IGF2BP1: variants seen among roughly 807,000 people sequenced by gnomAD.
IGF2BP1 encodes the protein insulin-like growth factor 2 mRNA-binding protein 1.
A neutral mutation model predicts 74.9 loss-of-function variants in IGF2BP1; 11 were observed. The ratio of observed to expected loss-of-function variants is 0.15; its 90% CI spans 0.09 to 0.24. The LOEUF is 0.24. Among genes scored for constraint, IGF2BP1 ranks in the 10% least tolerant of loss-of-function variants. The pLI is 1.00. For synonymous variants in IGF2BP1, 287 were observed against 281.8 expected (o/e 1.02, Z -0.18); for missense variants, 440 against 757.4 (o/e 0.58, Z 4.92).
chr17:49,032,068 G>C, intron 5 of IGF2BP1, 95 bp downstream of exon 5: 1 of 1,071,216 alleles, frequency 9.3e-7, no homozygotes, highest in South Asian at 1.3e-5. Context: ...GGGGGGTCTA[G>C]GCAGGCTGGG....
At chr17:49,014,859 T>C (rs2041674427) in intron 2 of IGF2BP1, 1 of 985,234 alleles carries the variant, frequency 1.0e-6, no homozygotes, top group Non-Finnish European at 1.2e-6. Context: ...GAAGACAGAT[T>C]GCTTTGGAGG....
intron 2 of IGF2BP1, among the ~76,000 whole-genome samples, chr17:49,018,356 C>T (rs2041735092): frequency 6.6e-6 from 1 of 152,178 alleles, no homozygotes; most frequent in African/African-American, 2.4e-5. Context: ...GTTTGTTGCT[C>T]ACTCTTTTCC....
intron 2 of IGF2BP1, among the ~76,000 whole-genome samples, chr17:49,009,398 TTGG>T (rs1440265515): frequency 1.3e-5 from 2 of 152,098 alleles, no homozygotes; most frequent in Non-Finnish European, 2.9e-5. Flanking sequence ...CTCTTTATCC[TTGG>T]TATTTTTTTT....
At chr17:49,019,821 G>A (rs1271701765) in intron 2 of IGF2BP1, among the ~76,000 whole-genome samples, 2 of 133,478 alleles carry the variant, frequency 1.5e-5, no homozygotes, top group Admixed American at 7.7e-5. Flanking sequence ...TCGGCTCACT[G>A]CAACCTCTGC....
At chr17:49,010,509 G>A (rs1391797877) in intron 2 of IGF2BP1, among the ~76,000 whole-genome samples, 1 of 151,636 alleles carries the variant, frequency 6.6e-6, no homozygotes, top group African/African-American at 2.4e-5. Context: ...GTAGAGACGG[G>A]GTTTCACTGT....
intron 2 of IGF2BP1, among the ~76,000 whole-genome samples, chr17:49,013,315 C>T (rs1337442921): frequency 6.6e-6 from 1 of 152,128 alleles, no homozygotes; most frequent in African/African-American, 2.4e-5. Flanking sequence ...GGGACTAGCC[C>T]GGGAGGAGAG....
chr17:49,041,412 A>G lies in IGF2BP1; in HGVS notation c.853A>G (p.Asn285Asp). 6.2e-7 allele frequency: 1 copy of G among 1,614,008 alleles called. No homozygotes were observed. Among genetic ancestry groups the G allele is most frequent in the Non-Finnish European group, 8.5e-7 (1 of 1,179,986 alleles). ...DEVPLKILAHNNFVGRLIGKE... is the reference protein window; with the variant it reads ...DEVPLKILAHDNFVGRLIGKE... ...GGTTCCCCTGAAGATCCTGGCCCAT[A>G]ATAACTTTGTAGGGCGTCTCATTGG... The change falls in exon 8 of 15, where the codon AAT becomes GAT. Residue 285 changes from asparagine (N) to aspartate (D), a missense_variant. Physicochemically the swap from Asn to Asp is conservative, Grantham distance 23 (BLOSUM62 1). This residue lies in a region of IGF2BP1 where 184 missense variants were observed against 273.4 expected (regional missense o/e 0.67). Transcript: ENST00000290341.
At chr17:49,019,950 T>TATATATATA (rs1567815917) in intron 2 of IGF2BP1, among the ~76,000 whole-genome samples, 21 of 24,144 alleles carry the variant, frequency 8.7e-4, no homozygotes, top group African/African-American at 1.4e-3. Context: ...ATATATATAT[T>TATATATATA]TATATACACA....
Position 49,038,225 on chromosome 17 carries a change from C to T in IGF2BP1, c.459C>T (p.Tyr153=). The change falls in exon 6 of 15, where the codon TAC becomes TAT. Residue 153 remains tyrosine (Y), a synonymous_variant. Coordinates refer to ENST00000290341, the MANE Select transcript of IGF2BP1 (RefSeq NM_006546.4). ...QLENHALKVS[Y]IPDEQIAQGP... ...AGAACCATGCCCTGAAGGTCTCCTA[C>T]ATCCCCGATGAGCAGATAGCACAGG... 1 of 1,564,110 alleles carries T rather than the reference C, an allele frequency of 6.4e-7. No individual in the cohort carries two copies. The highest frequency in any genetic ancestry group is 8.7e-7 in the Non-Finnish European group (1 of 1,152,798).
Position 49,049,518 on chromosome 17 carries a change from C to G in IGF2BP1, c.*74C>G. 1.5e-6 allele frequency: 2 copies of G among 1,322,618 alleles called. No individual in the cohort carries two copies. Among genetic ancestry groups the G allele is most frequent in the South Asian group, 1.2e-5 (1 of 80,564 alleles). The allele number at this position is 1,322,618 out of a possible 1,614,324, so 81.9% of individuals were successfully genotyped here. On this transcript the variant is annotated 3_prime_UTR_variant, in exon 15 of 15. Coordinates refer to ENST00000290341, the MANE Select transcript of IGF2BP1 (RefSeq NM_006546.4). ...CGAGAGTGTGCTCTCCCCGGCAGGCCTGAGAATGAGTGGGAATCCGGGACA... is the reference window on the plus strand; with the variant it reads ...CGAGAGTGTGCTCTCCCCGGCAGGCGTGAGAATGAGTGGGAATCCGGGACA...
At chr17:49,038,651 C>T (rs1223285941) in intron 6 of IGF2BP1, among the ~76,000 whole-genome samples, 2 of 152,052 alleles carry the variant, frequency 1.3e-5, no homozygotes, top group Non-Finnish European at 1.5e-5. Context: ...GTCTGGGGTG[C>T]TAGGCCACAC....
At chr17:49,027,693 A>G (rs1318880162) in intron 4 of IGF2BP1, among the ~76,000 whole-genome samples, 1 of 151,636 alleles carries the variant, frequency 6.6e-6, no homozygotes, top group Non-Finnish European at 1.5e-5. Context: ...TCTACTGAAA[A>G]TATAAAAAAT....
Position 49,046,381 on chromosome 17 carries a change from T to G in IGF2BP1, c.1641+8T>G. ...CATTTCTATGCCAGTCAGGTACATATGGTGCTCCCCCATTGAGGGAGGGCT... is the reference window on the plus strand; with the variant it reads ...CATTTCTATGCCAGTCAGGTACATAGGGTGCTCCCCCATTGAGGGAGGGCT... On this transcript the variant is annotated splice_region_variant and intron_variant, in intron 14 of 14. Transcript: ENST00000290341. The G allele has an allele frequency of 6.2e-7, 1 of 1,602,802 alleles. No homozygotes were observed. Among genetic ancestry groups the G allele is most frequent in the Non-Finnish European group, 8.5e-7 (1 of 1,169,822 alleles).
Position 49,011,063 on chromosome 17 carries a change from G to A in IGF2BP1, c.236+11894G>A, listed in dbSNP as rs529363162. On this transcript the variant is annotated intron_variant, in intron 2 of 14. Coordinates refer to ENST00000290341, the MANE Select transcript of IGF2BP1 (RefSeq NM_006546.4). ...TAAGGCAGGAGAATCGCTTGAACCC[G>A]GGAGGTGGAGGTTGCAGTGAGCCGA... Among the ~76,000 whole-genome samples the A allele has an allele frequency of 2.7e-3, 392 of 143,324 alleles. 1 individual carries two copies. The highest frequency in any genetic ancestry group is 9.9e-3 in the African/African-American group (379 of 38,412). The allele number at this position is 143,324 out of a possible 152,430, so 94.0% of individuals were successfully genotyped here.
At chr17:49,004,409 G>A (rs922002829) in intron 2 of IGF2BP1, among the ~76,000 whole-genome samples, 1 of 152,202 alleles carries the variant, frequency 6.6e-6, no homozygotes, top group Non-Finnish European at 1.5e-5. Flanking sequence ...AGTGAAAAGA[G>A]GCAAGAAGAG....
At chr17:49,038,049 C>CT (rs1264018823) in intron 5 of IGF2BP1, 119 bp from the exon 6 acceptor site, 3 of 881,098 alleles carry the variant, frequency 3.4e-6, no homozygotes, top group Non-Finnish European at 4.8e-6. Context: ...GGGCAGGTGA[C>CT]TATCTCCTTT....
intron 2 of IGF2BP1, among the ~76,000 whole-genome samples, chr17:49,006,453 G>A (rs1307016215): frequency 6.6e-6 from 1 of 152,148 alleles, no homozygotes; most frequent in African/African-American, 2.4e-5. Context: ...GTAAAGAAGT[G>A]GTCCTAATAG....
chr17:49,036,308 C>T (rs2041987036), intron 5 of IGF2BP1: 1 of 152,046 alleles, frequency 6.6e-6, no homozygotes, highest in African/African-American at 2.4e-5. Flanking sequence ...AGTTAGGGGT[C>T]TCTGGAGACT....
At chr17:49,009,507 C>G (rs2041590174) in intron 2 of IGF2BP1, among the ~76,000 whole-genome samples, 1 of 151,420 alleles carries the variant, frequency 6.6e-6, no homozygotes, top group South Asian at 2.1e-4. Flanking sequence ...GTCAGGAGTT[C>G]AAGACCAGCC....
Sources: allele counts gnomAD v4.1 joint callset (sites outside exome capture counted in the v4.1 genomes callset), GRCh38; gene constraint gnomAD v4.1.1; regional missense constraint gnomAD v4.1.1; transcripts MANE v1.5; gene names NCBI Gene and HGNC (gene_info 2026-07-23, HGNC 2026-07-21).